The following ZFP90 variants were observed in gnomAD, a reference collection of about 807,000 sequenced individuals.
The protein encoded by ZFP90 is zinc finger protein 90 homolog.
Under a neutral mutation model 60.8 loss-of-function variants are expected in ZFP90, and 38 were observed. The observed-to-expected ratio is 0.62, with a 90% CI of 0.48 to 0.82. The LOEUF (loss-of-function observed/expected upper bound fraction) is 0.82. Ranked by LOEUF, ZFP90 falls within the 40% of genes least tolerant of loss-of-function variation. ZFP90 has a pLI of 0.00. For synonymous variants in ZFP90, 287 were observed against 264.8 expected, an observed-to-expected ratio of 1.08 and a Z score of -0.82; for missense variants, 711 against 759.1, an observed-to-expected ratio of 0.94 and a Z score of 0.74.
Position 68,558,128 on chromosome 16 carries a change from A to G in ZFP90, c.160+4A>G, listed in dbSNP as rs1249705218. 6.2e-7 allele frequency: 1 copy of G among 1,613,220 alleles called. No homozygotes were observed. The highest frequency in any genetic ancestry group is 1.3e-5 in the African/African-American group (1 of 74,844). On this transcript the variant is annotated splice_donor_region_variant and intron_variant, in intron 3 of 4. Transcript: ENST00000563169. Reference sequence around the variant, plus strand: ...TATAGCCACCTGGTTTCTCTTGGTAAGGACCACTTCTCTGAGTGTCTTTCC... The same window carrying G: ...TATAGCCACCTGGTTTCTCTTGGTAGGGACCACTTCTCTGAGTGTCTTTCC...
intron 2 of ZFP90, among the ~76,000 whole-genome samples, chr16:68,547,271 T>C (rs2152060755): frequency 6.6e-6 from 1 of 152,330 alleles, no homozygotes; most frequent in East Asian, 1.9e-4. Flanking sequence ...ACCCTTGTTA[T>C]TTTCTGTTTT....
chr16:68,539,818 C>T lies in ZFP90; in HGVS notation c.26C>T (p.Ala9Val), dbSNP rs139638624. 1.2e-4 allele frequency: 194 copies of T among 1,605,986 alleles called. 1 individual carries two copies. The East Asian group carries it at 4.0e-3, about 34-fold the overall frequency. Residue 9 changes from alanine (A) to valine (V), a missense_variant, in exon 2 of 5, where the codon GCG becomes GTG. Ala to Val is a moderately conservative substitution (Grantham distance 64). This residue lies in a region of ZFP90 where 27 missense variants were observed against 17.9 expected (regional missense o/e 1.50). Coordinates refer to ENST00000563169, the MANE Select transcript of ZFP90 (RefSeq NM_001305203.2). Reference sequence around the variant, plus strand: ...ATGGCCCCGAGGCCTCCGACCGCCGCGCCCCAGGTGAGCAACGCGTTCCTA... The same window carrying T: ...ATGGCCCCGAGGCCTCCGACCGCCGTGCCCCAGGTGAGCAACGCGTTCCTA... MAPRPPTA[A>V]PQESVTFKDV...
At position 68,566,682 on chromosome 16, in the gene ZFP90, C is replaced by CT; in HGVS notation, c.*1985dup. 1 of 985,598 alleles carries CT rather than the reference C, an allele frequency of 1.0e-6. No homozygotes were observed. The highest frequency in any genetic ancestry group is 1.2e-6 in the Non-Finnish European group (1 of 829,938). The allele number at this position is 985,598 out of a possible 1,614,324, so 61.1% of individuals were successfully genotyped here. On this transcript the variant is annotated 3_prime_UTR_variant, in exon 5 of 5. Transcript: ENST00000563169. ...CACACACAATGCCAAGGCTGTGCTT[C>CT]TATTATCTGATACATAGTTTGACAA... is the stretch of plus-strand genomic sequence containing the variant.
chr16:68,569,453 T>G (rs772118026), downstream of ZFP90, among the ~76,000 whole-genome samples: 5 of 152,212 alleles, frequency 3.3e-5, no homozygotes, highest in Non-Finnish European at 7.3e-5. Flanking sequence ...CCACTTTTCT[T>G]GTATGCTATC....
intron 2 of ZFP90, among the ~76,000 whole-genome samples, chr16:68,550,479 G>T (rs1301324789): frequency 6.6e-6 from 1 of 152,118 alleles, no homozygotes; most frequent in Admixed American, 6.6e-5. Context: ...TCAAACTCCT[G>T]ACCTCAGGTG....
At chr16:68,551,489 T>C (rs959307341) in intron 2 of ZFP90, among the ~76,000 whole-genome samples, 1 of 148,590 alleles carries the variant, frequency 6.7e-6, no homozygotes, top group East Asian at 2.0e-4. Context: ...TAGCACAGTC[T>C]TGGCTTACTG....
intron 4 of ZFP90, 124 bp from the exon 5 acceptor site, chr16:68,562,920 C>G: frequency 1.3e-6 from 2 of 1,545,032 alleles, no homozygotes; most frequent in Non-Finnish European, 8.7e-7. Flanking sequence ...GTCGTCTTCT[C>G]AGGATACAGG....
chr16:68,536,778 C>A (rs2090963739), upstream of ZFP90, among the ~76,000 whole-genome samples: 1 of 152,134 alleles, frequency 6.6e-6, no homozygotes, highest in Admixed American at 6.5e-5. Context: ...AGAACTTAAT[C>A]CTCAACTCTT....
chr16:68,542,995 G>C (rs1404620957), intron 2 of ZFP90, among the ~76,000 whole-genome samples: 1 of 152,086 alleles, frequency 6.6e-6, no homozygotes, highest in African/African-American at 2.4e-5. Flanking sequence ...TCTCAAGAGG[G>C]AAAAAAGGTA....
At position 68,549,432 on chromosome 16, in the gene ZFP90, C is replaced by G. The variant is rs190008146; in HGVS notation, c.34-8566C>G. On this transcript the variant is annotated intron_variant, in intron 2 of 4. Coordinates refer to ENST00000563169, the MANE Select transcript of ZFP90 (RefSeq NM_001305203.2). ...GTGGCTCATGCCTGTAATCCCAGCA[C>G]TATGGGAGGCTGAGGCAGGTGGATC... Among the ~76,000 whole-genome samples the G allele has an allele frequency of 7.6e-3, 1,162 of 152,180 alleles. 6 individuals are homozygous for G. The highest frequency in any genetic ancestry group is 0.061 in the Middle Eastern group (18 of 294).
In ZFP90 at chr16:68,563,807, T is replaced by C; in HGVS notation, c.1020T>C (p.Cys340=). ...RIHTGEKPYR[C]NLCGRSFRHG... is the part of the protein sequence containing the mutation. ...ACACTGGAGAGAAACCCTATCGATG[T>C]AATCTATGTGGGAGGTCCTTTAGGC... Residue 340 remains cysteine, a synonymous_variant, in exon 5 of 5, where the codon TGT becomes TGC. Transcript: ENST00000563169. 1 of 1,614,134 alleles carries C rather than the reference T, an allele frequency of 6.2e-7. No homozygotes were observed. The highest frequency in any genetic ancestry group is 8.5e-7 in the Non-Finnish European group (1 of 1,180,020).
At chr16:68,567,191 C>A, downstream of ZFP90, 1 of 983,018 alleles carries the variant, frequency 1.0e-6, no homozygotes, top group Non-Finnish European at 1.2e-6. Context: ...GAGTGGTGCA[C>A]CAAGAGGGAG....
In ZFP90 at chr16:68,565,106, AC is replaced by A; in HGVS notation, c.*409del. 1.0e-6 allele frequency: 1 copy of A among 994,954 alleles called. No individual in the cohort carries two copies. Among genetic ancestry groups the A allele is most frequent in the Non-Finnish European group, 1.2e-6 (1 of 836,106 alleles). 61.6% of individuals were successfully genotyped at this position (994,954 alleles called of 1,614,324 possible). On this transcript the variant is annotated 3_prime_UTR_variant, in exon 5 of 5. Coordinates refer to ENST00000563169, the MANE Select transcript of ZFP90 (RefSeq NM_001305203.2). Reference sequence around the variant, plus strand: ...ACAACTGCACTCAACTGCAGCTCTTACATTAACTTCACCATGGAAACCAGTT... The same window carrying A: ...ACAACTGCACTCAACTGCAGCTCTTAATTAACTTCACCATGGAAACCAGTT...
chr16:68,558,301 T>A, intron 3 of ZFP90, 172 bp from the exon 4 acceptor site: 1 of 1,192,114 alleles, frequency 8.4e-7, no homozygotes, highest in Admixed American at 1.9e-5. Flanking sequence ...AGGTAAAAGG[T>A]CTTTATTTTG....
At chr16:68,571,358 CA>C (rs1451181729), downstream of ZFP90, among the ~76,000 whole-genome samples, 1 of 152,044 alleles carries the variant, frequency 6.6e-6, no homozygotes, top group African/African-American at 2.4e-5. Context: ...ATTTGAAAGG[CA>C]AAAAATAATA....
intron 2 of ZFP90, among the ~76,000 whole-genome samples, chr16:68,545,771 C>CAAT (rs2091138340): frequency 6.6e-6 from 1 of 152,174 alleles, no homozygotes. Flanking sequence ...GCAGAGATCA[C>CAAT]GCCACTGCAC....
chr16:68,535,303 G>A (rs1369606934), upstream of ZFP90, among the ~76,000 whole-genome samples: 1 of 152,150 alleles, frequency 6.6e-6, no homozygotes, highest in African/African-American at 2.4e-5. Flanking sequence ...CAAATTCTCG[G>A]GAAAGATATC....
At chr16:68,533,505 T>C (rs1567387799) in intron 1 of ZFP90, among the ~76,000 whole-genome samples, 1 of 152,240 alleles carries the variant, frequency 6.6e-6, no homozygotes, top group African/African-American at 2.4e-5. Flanking sequence ...CTTGTCTATA[T>C]ATGACTGCAT....
chr16:68,561,429 T>G lies in ZFP90; in HGVS notation c.257-1615T>G, dbSNP rs182567307. On this transcript the variant is annotated intron_variant, in intron 4 of 4. Coordinates refer to ENST00000563169, the MANE Select transcript of ZFP90 (RefSeq NM_001305203.2). ...CTGCCTATCCAAAGCCATTTGTTCT[T>G]TGAGTTCAAAATCTATCTAATCCAT... Among the ~76,000 whole-genome samples the G allele has an allele frequency of 9.2e-5, 14 of 152,330 alleles. No individual in the cohort carries two copies. In the East Asian group the frequency reaches 2.7e-3, roughly 29 times the overall value.
Sources: gnomAD v4.1 joint callset for allele counts (sites outside exome capture counted in the v4.1 genomes callset) on GRCh38, gnomAD v4.1.1 for gene constraint, gnomAD v4.1.1 regional missense constraint, MANE v1.5 for transcripts, NCBI Gene and HGNC (gene_info 2026-07-23, HGNC 2026-07-21) for gene names.